MAF: variants seen among roughly 807,000 people sequenced by gnomAD.
MAF encodes the protein MAF bZIP transcription factor.
Under a neutral mutation model 22.0 loss-of-function variants are expected in MAF, and 10 were observed. That is an observed-to-expected ratio of 0.45 (90% CI 0.28 to 0.77). The LOEUF is 0.77. MAF is among the 30% of genes least tolerant of loss of function. MAF has a pLI of 0.12. For missense variants in MAF, 544 were observed against 548.4 expected (o/e 0.99, Z 0.08); for synonymous variants, 337 against 255.8 (o/e 1.32, Z -3.03).
chr16:79,434,742 T>C, the MAF span, among the ~76,000 whole-genome samples: 1 of 152,078 alleles, frequency 6.6e-6, no homozygotes, highest in Non-Finnish European at 1.5e-5. Flanking sequence ...TTAAAGATTA[T>C]ATGATAGAAT....
At chr16:79,351,507 G>A in the MAF span, among the ~76,000 whole-genome samples, 26 of 152,114 alleles carry the variant, frequency 1.7e-4, no homozygotes, top group South Asian at 4.2e-4. Context: ...GCATAACTGT[G>A]ACTTTAAATG....
At chr16:79,459,493 G>T in the MAF span, among the ~76,000 whole-genome samples, 26 of 151,906 alleles carry the variant, frequency 1.7e-4, no homozygotes, top group African/African-American at 6.0e-4. Context: ...TTTTTCTATC[G>T]TAAGCTTCAG....
the MAF span, among the ~76,000 whole-genome samples, chr16:79,493,132 GT>G: frequency 1.9e-4 from 27 of 140,854 alleles, no homozygotes; most frequent in African/African-American, 8.1e-4. Context: ...TAATCTTTCT[GT>G]TTTTTTTTTG....
the MAF span, among the ~76,000 whole-genome samples, chr16:79,476,849 ACT>A: frequency 1.3e-5 from 2 of 152,198 alleles, no homozygotes; most frequent in Admixed American, 6.5e-5. Context: ...TGTCTCCATC[ACT>A]GACATTTTTT....
the MAF span, among the ~76,000 whole-genome samples, chr16:79,460,351 A>G: frequency 2.6e-5 from 4 of 152,198 alleles, no homozygotes; most frequent in Admixed American, 1.3e-4. Flanking sequence ...CGAAAAATGG[A>G]TAACCAATTG....
the MAF span, among the ~76,000 whole-genome samples, chr16:79,500,523 C>G: frequency 6.6e-6 from 1 of 152,170 alleles, no homozygotes; most frequent in Non-Finnish European, 1.5e-5. Context: ...CCATCCTACT[C>G]CTTCTTCTCT....
the MAF span, among the ~76,000 whole-genome samples, chr16:79,440,190 A>C: frequency 3.9e-5 from 6 of 152,190 alleles, no homozygotes; most frequent in Non-Finnish European, 8.8e-5. Context: ...AATGATAAGG[A>C]AGAAAAGCCA....
the MAF span, among the ~76,000 whole-genome samples, chr16:79,412,978 C>T: frequency 6.6e-6 from 1 of 152,162 alleles, no homozygotes; most frequent in Admixed American, 6.5e-5. Context: ...AGCAGGAAGT[C>T]CTTACAGCTT....
the MAF span, among the ~76,000 whole-genome samples, chr16:79,279,222 C>T: frequency 6.6e-6 from 1 of 152,078 alleles, no homozygotes; most frequent in African/African-American, 2.4e-5. Context: ...CATTCTCACC[C>T]CGATCCATGC....
At chr16:79,538,530 C>G in the MAF span, among the ~76,000 whole-genome samples, 1 of 152,074 alleles carries the variant, frequency 6.6e-6, no homozygotes, top group East Asian at 1.9e-4. Context: ...GAATATTAAA[C>G]CTGACTACAC....
the MAF span, among the ~76,000 whole-genome samples, chr16:79,226,734 A>G: frequency 6.6e-6 from 1 of 152,088 alleles, no homozygotes; most frequent in Non-Finnish European, 1.5e-5. Flanking sequence ...TCTTAGGCTC[A>G]TCTATATTCC....
chr16:79,541,228 A>C, the MAF span, among the ~76,000 whole-genome samples: 2 of 152,200 alleles, frequency 1.3e-5, no homozygotes, highest in Admixed American at 6.5e-5. Context: ...ACTCTAAGCC[A>C]CCTCATGCGT....
At chr16:79,295,844 G>A in the MAF span, among the ~76,000 whole-genome samples, 8 of 152,290 alleles carry the variant, frequency 5.3e-5, no homozygotes, top group East Asian at 7.7e-4. Flanking sequence ...TGGCAGTCCC[G>A]TTTCACAGAT....
chr16:79,594,930 T>A (rs975083046), intron 1 of MAF: 14 of 1,136,126 alleles, frequency 1.2e-5, no homozygotes, highest in African/African-American at 1.6e-5. Context: ...ATCAAAATGC[T>A]TAATTCTACA....
chr16:79,203,358 T>G, the MAF span: 1 of 152,186 alleles, frequency 6.6e-6, no homozygotes, highest in African/African-American at 2.4e-5. Flanking sequence ...ATGCCCGATT[T>G]GAAATAGCGG....
At chr16:79,441,320 C>T in the MAF span, among the ~76,000 whole-genome samples, 1 of 152,196 alleles carries the variant, frequency 6.6e-6, no homozygotes, top group African/African-American at 2.4e-5. Context: ...TTCCCAAGCT[C>T]CTCTCTTACA....
chr16:79,388,935 G>A, the MAF span, among the ~76,000 whole-genome samples: 3 of 152,234 alleles, frequency 2.0e-5, no homozygotes, highest in African/African-American at 7.2e-5. Context: ...CAAGGGCCGT[G>A]ATTGAGACTG....
At chr16:79,457,278 G>A in the MAF span, among the ~76,000 whole-genome samples, 1 of 152,012 alleles carries the variant, frequency 6.6e-6, no homozygotes, top group South Asian at 2.1e-4. Flanking sequence ...CATGGGAGAT[G>A]TAAAAGAATT....
the MAF span, among the ~76,000 whole-genome samples, chr16:79,483,682 G>T: frequency 6.6e-6 from 1 of 152,138 alleles, no homozygotes; most frequent in Non-Finnish European, 1.5e-5. Flanking sequence ...GGAGGTTAAG[G>T]GTTCATGTAG....
Sources: allele counts gnomAD v4.1 joint callset (sites outside exome capture counted in the v4.1 genomes callset), GRCh38; gene constraint gnomAD v4.1.1; transcripts MANE v1.5; gene names NCBI Gene and HGNC (gene_info 2026-07-23, HGNC 2026-07-21).